The following WDPCP variants were observed in gnomAD, a reference collection of about 807,000 sequenced individuals.
WDPCP encodes WD repeat containing planar cell polarity effector, also known as WD repeat-containing and planar cell polarity effector protein fritz homolog.
In WDPCP, 71 loss-of-function variants were observed where a neutral mutation model predicts 93.1. That is an observed-to-expected ratio of 0.76 (90% CI 0.63 to 0.93). The LOEUF (loss-of-function observed/expected upper bound fraction) is 0.93, where lower values mean the gene tolerates loss of function less well. WDPCP is among the 40% of genes least tolerant of loss of function. The pLI is 0.00. For missense variants in WDPCP, 844 were observed against 887.4 expected (o/e 0.95, Z 0.62); for synonymous variants, 315 against 315.0 (o/e 1.00, Z 0.00).
chr2:63,581,939 T>C (rs1049192307), intron 1 of WDPCP, among the ~76,000 whole-genome samples: 2 of 151,114 alleles, frequency 1.3e-5, no homozygotes, highest in Admixed American at 6.6e-5. Context: ...GCCTAGGAGG[T>C]TGAGGCTGCA....
At chr2:63,323,415 A>AG (rs1687275933) in intron 12 of WDPCP, among the ~76,000 whole-genome samples, 1 of 152,010 alleles carries the variant, frequency 6.6e-6, no homozygotes, top group Non-Finnish European at 1.5e-5. Flanking sequence ...GCCCCATCGT[A>AG]GGGGGGACTA....
At chr2:63,376,861 C>G (rs1176478005) in intron 12 of WDPCP, among the ~76,000 whole-genome samples, 1 of 151,834 alleles carries the variant, frequency 6.6e-6, no homozygotes, top group Non-Finnish European at 1.5e-5. Context: ...TTGCTGTTTT[C>G]CAGAGGCTTC....
chr2:63,353,748 C>G (rs1437592680), intron 12 of WDPCP, among the ~76,000 whole-genome samples: 3 of 152,190 alleles, frequency 2.0e-5, no homozygotes, highest in Non-Finnish European at 4.4e-5. Flanking sequence ...TGGGATGAAG[C>G]TCCCAGAGGG....
Position 63,670,421 on chromosome 2 carries a change from T to C in WDPCP, n.309-19583A>G, listed in dbSNP as rs565905843. Among the ~76,000 whole-genome samples, 21 of 152,266 alleles carry C rather than the reference T, an allele frequency of 1.4e-4. 1 individual carries two copies. The South Asian group carries it at 4.4e-3, about 32-fold the overall frequency. On this transcript the variant is annotated intron_variant and non_coding_transcript_variant, in intron 2 of 4. Transcript: ENST00000467687. ...GAGTTAGAACCTAAGGAAAGTGTGA[T>C]CCTGGGATCTAGTAGCTACAAGTAC...
chr2:63,257,854 A>ATATC (rs990345048), intron 14 of WDPCP, among the ~76,000 whole-genome samples: 3 of 152,170 alleles, frequency 2.0e-5, no homozygotes, highest in African/African-American at 7.2e-5. Context: ...GGCCCTCATT[A>ATATC]TATCTGATAC....
intron 1 of WDPCP, among the ~76,000 whole-genome samples, chr2:63,826,339 A>C (rs996337427): frequency 3.3e-5 from 5 of 151,420 alleles, no homozygotes; most frequent in Non-Finnish European, 5.9e-5. Flanking sequence ...CTAGTGGGTA[A>C]TATTTGGCAA....
chr2:63,485,379 T>A (rs964682844), intron 4 of WDPCP, among the ~76,000 whole-genome samples: 2 of 149,006 alleles, frequency 1.3e-5, no homozygotes, highest in Non-Finnish European at 3.0e-5. Context: ...AAAAAAAAAT[T>A]ATCATGAGTA....
At chr2:63,159,316 C>T (rs1281786523) in intron 15 of WDPCP, among the ~76,000 whole-genome samples, 2 of 151,856 alleles carry the variant, frequency 1.3e-5, no homozygotes, top group African/African-American at 2.4e-5. Context: ...CCCTCCAACT[C>T]CTGGGCTCAA....
chr2:63,168,815 C>T (rs1275577577), intron 15 of WDPCP: 1 of 152,238 alleles, frequency 6.6e-6, no homozygotes, highest in Non-Finnish European at 1.5e-5. Context: ...AACCATTGCA[C>T]TCCAGCCTGG....
chr2:63,745,832 G>T (rs539634812), intron 2 of WDPCP, among the ~76,000 whole-genome samples: 15 of 152,212 alleles, frequency 9.9e-5, no homozygotes, highest in Non-Finnish European at 2.2e-4. Context: ...TCTTTATGAA[G>T]TACTGCCAAA....
intron 1 of WDPCP, among the ~76,000 whole-genome samples, chr2:63,555,101 A>T (rs1220602696): frequency 6.6e-6 from 1 of 152,230 alleles, no homozygotes; most frequent in Non-Finnish European, 1.5e-5. Context: ...GTTCCCAGGG[A>T]GAGGGGCGGC....
At chr2:63,334,229 C>G (rs892781447) in intron 12 of WDPCP, among the ~76,000 whole-genome samples, 1 of 152,138 alleles carries the variant, frequency 6.6e-6, no homozygotes, top group African/African-American at 2.4e-5. Flanking sequence ...ATTTCTTTCA[C>G]CTTGTGAACC....
At chr2:63,622,026 C>A (rs370117129) in intron 3 of WDPCP, among the ~76,000 whole-genome samples, 10 of 151,080 alleles carry the variant, frequency 6.6e-5, no homozygotes, top group African/African-American at 1.7e-4. Flanking sequence ...ATCCCTCCCC[C>A]CTCCCCACTC....
rs78948199 is a variant in WDPCP, at chr2:63,512,901, TA to T, written c.76-19962del. Among the ~76,000 whole-genome samples the T allele has an allele frequency of 5.1e-3, 737 of 143,196 alleles. 24 individuals carry two copies. The East Asian group carries it at 0.095, about 18-fold the overall frequency. The allele number at this position is 143,196 out of a possible 152,430, so 93.9% of individuals were successfully genotyped here. Reference sequence around the variant, plus strand: ...AACTTAAAGTATAATTTTTAAAAATTAAAAAAAAAAAGAATCCAGGAAATAA... The same window carrying T: ...AACTTAAAGTATAATTTTTAAAAATTAAAAAAAAAAGAATCCAGGAAATAA... On this transcript the variant is annotated intron_variant, in intron 1 of 17. Transcript: ENST00000272321.
intron 1 of WDPCP, among the ~76,000 whole-genome samples, chr2:63,512,924 A>G (rs1702329352): frequency 2.0e-5 from 3 of 152,114 alleles, no homozygotes; most frequent in Admixed American, 1.3e-4. Flanking sequence ...AATCCAGGAA[A>G]TAAGGGATTC....
At position 63,194,825 on chromosome 2, in the gene WDPCP, G is replaced by T. The variant is rs527399071; in HGVS notation, c.1916-19993C>A. 2.3e-4 allele frequency among the ~76,000 whole-genome samples: 35 copies of T among 152,178 alleles called. 1 individual carries two copies. The highest frequency in any genetic ancestry group is 1.7e-3 in the Admixed American group (26 of 15,296). Reference sequence around the variant, plus strand: ...ATTCCAGCATAACTTGATAGGAAAAGAAACTTTCTTAAACAAGATCAGATT... The same window carrying T: ...ATTCCAGCATAACTTGATAGGAAAATAAACTTTCTTAAACAAGATCAGATT... On this transcript the variant is annotated intron_variant, in intron 14 of 17. Coordinates refer to ENST00000272321, the MANE Select transcript of WDPCP (RefSeq NM_015910.7).
At position 63,146,172 on chromosome 2, in the gene WDPCP, C is replaced by G. The variant is rs369893238; in HGVS notation, c.2190+6742G>C. 4.6e-5 allele frequency among the ~76,000 whole-genome samples: 7 copies of G among 152,304 alleles called. No individual in the cohort carries two copies. In the East Asian group the frequency reaches 1.2e-3, roughly 25 times the overall value. On this transcript the variant is annotated intron_variant, in intron 17 of 17. Transcript: ENST00000272321. ...GCAAACAGGGATAGTTTGACTTCCT[C>G]TCTTCCTATTTGGATGCCCTTTATT...
intron 17 of WDPCP, among the ~76,000 whole-genome samples, chr2:63,133,513 G>T (rs1459607208): frequency 6.6e-6 from 1 of 152,180 alleles, no homozygotes; most frequent in Non-Finnish European, 1.5e-5. Flanking sequence ...CGTGTCAAGG[G>T]TGGGACCAGG....
chr2:63,721,534 T>A lies in WDPCP; in HGVS notation n.309-70696A>T, dbSNP rs917355717. Among the ~76,000 whole-genome samples, 8 of 152,326 alleles carry A rather than the reference T, an allele frequency of 5.3e-5. No individual in the cohort carries two copies. In the South Asian group the frequency reaches 6.2e-4, roughly 12 times the overall value. ...CACAGAGCAGTCAGAGTGTCTTTTT[T>A]AAAAAAATATAAATAAATTTTTAAA... On this transcript the variant is annotated intron_variant and non_coding_transcript_variant, in intron 2 of 4. Transcript: ENST00000467687.
Sources: gnomAD v4.1 joint callset for allele counts (sites outside exome capture counted in the v4.1 genomes callset) on GRCh38, gnomAD v4.1.1 for gene constraint, MANE v1.5 for transcripts, NCBI Gene and HGNC (gene_info 2026-07-23, HGNC 2026-07-21) for gene names.